Variants in TK2 observed in about 807,000 individuals in gnomAD.
TK2 encodes thymidine kinase 2.
In TK2, 35 loss-of-function variants were observed where a neutral mutation model predicts 41.9. The observed-to-expected ratio is 0.84, with a 90% CI of 0.64 to 1.11. The LOEUF is 1.11. Ranked by LOEUF, TK2 falls within the 50% of genes least tolerant of loss-of-function variation. The pLI is 0.00. For missense variants in TK2, 320 were observed against 351.1 expected (o/e 0.91, Z 0.71); for synonymous variants, 128 against 129.1 (o/e 0.99, Z 0.06).
chr16:66,519,636 A>G (rs533769356), intron 6 of TK2, among the ~76,000 whole-genome samples: 1 of 152,366 alleles, frequency 6.6e-6, no homozygotes, highest in African/African-American at 2.4e-5. Context: ...AAGAGAGAGC[A>G]GGAATGGACA....
chr16:66,541,748 G>A (rs1965462750), intron 3 of TK2, 131 bp downstream of exon 3: 6 of 909,182 alleles, frequency 6.6e-6, no homozygotes, highest in Middle Eastern at 2.3e-4. Flanking sequence ...TATTAGAAAT[G>A]TTAAATTACA....
intron 6 of TK2, among the ~76,000 whole-genome samples, chr16:66,526,765 G>C (rs974085635): frequency 3.3e-5 from 5 of 152,084 alleles, no homozygotes; most frequent in African/African-American, 1.2e-4. Context: ...AATAAAAAAA[G>C]CAACAAGAGC....
intron 2 of TK2, chr16:66,548,572 C>A: frequency 8.2e-6 from 2 of 245,176 alleles, no homozygotes; most frequent in South Asian, 5.0e-5. Flanking sequence ...TCTCTCTGAT[C>A]CCCTGCCCAC....
intron 6 of TK2, among the ~76,000 whole-genome samples, chr16:66,519,812 G>A (rs888152465): frequency 6.6e-6 from 1 of 152,208 alleles, no homozygotes; most frequent in East Asian, 1.9e-4. Flanking sequence ...TGAGCCATGT[G>A]CAATGGGAGG....
chr16:66,546,324 T>C (rs575042835), intron 2 of TK2, among the ~76,000 whole-genome samples: 3 of 152,374 alleles, frequency 2.0e-5, no homozygotes, highest in South Asian at 2.1e-4. Flanking sequence ...CTAAAAATCA[T>C]TGAATTGCAC....
chr16:66,527,708 A>G (rs1420166820), intron 6 of TK2, among the ~76,000 whole-genome samples: 1 of 152,152 alleles, frequency 6.6e-6, no homozygotes, highest in African/African-American at 2.4e-5. Context: ...AAATACTACA[A>G]AGAAAACTAA....
intron 6 of TK2, among the ~76,000 whole-genome samples, chr16:66,527,973 A>C (rs1964985960): frequency 6.6e-6 from 1 of 151,988 alleles, no homozygotes; most frequent in Non-Finnish European, 1.5e-5. Context: ...CGGAGGTTGC[A>C]GTGAGCTGAG....
At chr16:66,527,036 C>T (rs1597089373) in intron 6 of TK2, among the ~76,000 whole-genome samples, 1 of 152,266 alleles carries the variant, frequency 6.6e-6, no homozygotes, top group East Asian at 1.9e-4. Flanking sequence ...TCTGCTCTCG[C>T]TCTCCTCTGT....
chr16:66,532,327 G>C (rs1275314189), intron 4 of TK2, among the ~76,000 whole-genome samples: 1 of 152,146 alleles, frequency 6.6e-6, no homozygotes, highest in African/African-American at 2.4e-5. Context: ...ATACCAGCCA[G>C]GCACAGTGGC....
intron 2 of TK2, chr16:66,548,068 T>TAAATG: frequency 1.5e-6 from 1 of 685,760 alleles, no homozygotes; most frequent in Non-Finnish European, 2.3e-6. Flanking sequence ...CGCCGTCTCT[T>TAAATG]AAATGTATAA....
At chr16:66,524,609 A>G (rs2144382524) in intron 6 of TK2, among the ~76,000 whole-genome samples, 1 of 152,244 alleles carries the variant, frequency 6.6e-6, no homozygotes, top group East Asian at 1.9e-4. Flanking sequence ...AAGTGCTGGG[A>G]TTACAAGTAT....
chr16:66,538,688 G>T (rs372760059), intron 3 of TK2, among the ~76,000 whole-genome samples: 2 of 152,196 alleles, frequency 1.3e-5, no homozygotes, highest in South Asian at 4.1e-4. Context: ...ACCCCAAGAA[G>T]TGGTATAAAA....
intron 3 of TK2, among the ~76,000 whole-genome samples, chr16:66,539,803 G>C (rs893778861): frequency 6.6e-6 from 1 of 152,152 alleles, no homozygotes; most frequent in African/African-American, 2.4e-5. Flanking sequence ...AAGCTGGCCT[G>C]AACCTGGGAG....
At chr16:66,533,390 A>G (rs1481126233) in intron 4 of TK2, among the ~76,000 whole-genome samples, 2 of 150,762 alleles carry the variant, frequency 1.3e-5, no homozygotes, top group Admixed American at 6.6e-5. Flanking sequence ...TGTTTCTAGC[A>G]TAAAGAAAAG....
Position 66,509,755 on chromosome 16 carries a change from G to C in TK2, c.*2213C>G, listed in dbSNP as rs891227522. ...CCCAGTGCTCTAAGGACAAGGCCCTGTTGTGCCCATGTGCCATCTGCCCTT... is the reference window on the plus strand; with the variant it reads ...CCCAGTGCTCTAAGGACAAGGCCCTCTTGTGCCCATGTGCCATCTGCCCTT... On this transcript the variant is annotated 3_prime_UTR_variant, in exon 10 of 10. Transcript: ENST00000544898. The C allele has an allele frequency of 2.6e-5, 4 of 152,798 alleles. No individual in the cohort carries two copies. Among genetic ancestry groups the C allele is most frequent in the African/African-American group, 9.6e-5 (4 of 41,474 alleles). 9.5% of individuals were successfully genotyped at this position (152,798 alleles called of 1,614,324 possible).
chr16:66,540,313 C>T (rs1304956664), intron 3 of TK2, among the ~76,000 whole-genome samples: 1 of 151,924 alleles, frequency 6.6e-6, no homozygotes. Context: ...GCTGGGACTA[C>T]AGGCATGTGC....
intron 2 of TK2, chr16:66,546,583 G>T (rs1303097597): frequency 2.0e-5 from 3 of 148,928 alleles, no homozygotes; most frequent in East Asian, 1.9e-4. Context: ...TTTTTCATTT[G>T]GGATCATACT....
chr16:66,550,132 G>C, upstream of TK2: 1 of 1,612,336 alleles, frequency 6.2e-7, no homozygotes, highest in South Asian at 1.1e-5. Context: ...TGCTAGTCCA[G>C]CCGTTGGGCG....
chr16:66,537,022 A>G lies in TK2; in HGVS notation c.232-5T>C. 1 of 1,614,074 alleles carries G rather than the reference A, an allele frequency of 6.2e-7. No individual in the cohort carries two copies. The highest frequency in any genetic ancestry group is 8.5e-7 in the Non-Finnish European group (1 of 1,180,006). The stretch of plus-strand genomic sequence containing the variant: ...GGACACAGGCTCCGTTAACACCTGG[A>G]AGGAAAGAAAACATCAGAGCTACTG... On this transcript the variant is annotated splice_polypyrimidine_tract_variant and splice_region_variant and intron_variant, in intron 3 of 9. Transcript: ENST00000544898.
Sources: gnomAD v4.1 joint callset for allele counts (sites outside exome capture counted in the v4.1 genomes callset) on GRCh38, gnomAD v4.1.1 for gene constraint, MANE v1.5 for transcripts, NCBI Gene and HGNC (gene_info 2026-07-23, HGNC 2026-07-21) for gene names.